Variants in CERS6 observed in about 807,000 individuals in gnomAD.
The protein encoded by CERS6 is LAG1 homolog, ceramide synthase 6.
Under a neutral mutation model 56.8 loss-of-function variants are expected in CERS6, and 26 were observed. The ratio of observed to expected loss-of-function variants is 0.46; its 90% CI spans 0.34 to 0.63. The LOEUF (loss-of-function observed/expected upper bound fraction) is 0.63, where lower values mean the gene tolerates loss of function less well. Ranked by LOEUF, CERS6 falls within the 30% of genes least tolerant of loss-of-function variation. CERS6 has a pLI of 0.01. For missense variants in CERS6, 415 were observed against 467.5 expected (o/e 0.89, Z 1.04); for synonymous variants, 164 against 173.3 (o/e 0.95, Z 0.42).
intron 4 of CERS6, among the ~76,000 whole-genome samples, chr2:168,685,042 G>C (rs1686312000): frequency 6.6e-6 from 1 of 152,004 alleles, no homozygotes; most frequent in South Asian, 2.1e-4. Flanking sequence ...CTAGGTTTTT[G>C]GTATTTTTAA....
intron 1 of CERS6, among the ~76,000 whole-genome samples, chr2:168,494,327 C>T (rs960086294): frequency 1.1e-3 from 168 of 152,288 alleles, no homozygotes; most frequent in African/African-American, 3.8e-3. Context: ...GAACTCTGGA[C>T]TCAGACTGCC....
Position 168,669,059 on chromosome 2 carries a change from C to CA in CERS6, c.466-21973dup, listed in dbSNP as rs1053945763. Among the ~76,000 whole-genome samples, 16 of 152,172 alleles carry CA rather than the reference C, an allele frequency of 1.1e-4. 2 individuals carry two copies. Among genetic ancestry groups the CA allele is most frequent in the African/African-American group, 3.8e-4 (16 of 41,568 alleles). On this transcript the variant is annotated intron_variant, in intron 4 of 9. Transcript: ENST00000305747. ...GATTAGGTCTGGAACACCTAACAGTCAATCAGTCATAGTGGCTTAAACAAG... is the reference window on the plus strand; with the variant it reads ...GATTAGGTCTGGAACACCTAACAGTCAAATCAGTCATAGTGGCTTAAACAAG...
At chr2:168,716,889 A>G (rs892423365) in intron 7 of CERS6, among the ~76,000 whole-genome samples, 8 of 152,114 alleles carry the variant, frequency 5.3e-5, no homozygotes, top group African/African-American at 1.9e-4. Flanking sequence ...GCCTCTGTGG[A>G]TAATGTCAAC....
chr2:168,587,780 T>C (rs1352494166), intron 3 of CERS6, among the ~76,000 whole-genome samples: 3 of 151,630 alleles, frequency 2.0e-5, no homozygotes. Flanking sequence ...TTTAAAGAAG[T>C]TGAGGGCTTT....
chr2:168,496,857 C>A (rs6433070), intron 1 of CERS6, among the ~76,000 whole-genome samples: 18,329 of 152,142 alleles, frequency 0.12, 1,284 homozygotes, highest in African/African-American at 0.2. Flanking sequence ...CAGCTTCATG[C>A]CTAACAAGCA....
intron 6 of CERS6, among the ~76,000 whole-genome samples, chr2:168,709,055 A>G (rs139657184): frequency 2.4e-3 from 368 of 152,232 alleles, no homozygotes; most frequent in Middle Eastern, 0.01. Flanking sequence ...GAGTTCCATT[A>G]TATAGACGTT....
chr2:168,593,189 C>T (rs549401033), intron 3 of CERS6, among the ~76,000 whole-genome samples: 34 of 152,190 alleles, frequency 2.2e-4, no homozygotes, highest in Non-Finnish European at 1.6e-4. Context: ...TCACCCGAAA[C>T]ATCGGGATAA....
At chr2:168,471,769 G>C (rs1208633607) in intron 1 of CERS6, among the ~76,000 whole-genome samples, 1 of 152,130 alleles carries the variant, frequency 6.6e-6, no homozygotes. Context: ...AATTGAATGC[G>C]CTTAGCTGCT....
intron 8 of CERS6, among the ~76,000 whole-genome samples, chr2:168,755,195 T>C (rs1448871232): frequency 6.6e-6 from 1 of 152,232 alleles, no homozygotes; most frequent in Non-Finnish European, 1.5e-5. Context: ...TGTTTTAGGA[T>C]CTTGGTCTCC....
intron 1 of CERS6, among the ~76,000 whole-genome samples, chr2:168,501,905 G>A (rs1050360176): frequency 5.3e-5 from 8 of 152,190 alleles, no homozygotes; most frequent in Non-Finnish European, 1.2e-4. Flanking sequence ...TGGCTTATTG[G>A]CAAGGGAAAG....
chr2:168,721,971 G>T (rs1472587207), intron 8 of CERS6, among the ~76,000 whole-genome samples: 1 of 152,136 alleles, frequency 6.6e-6, no homozygotes, highest in Non-Finnish European at 1.5e-5. Context: ...GACCAGCAAT[G>T]TATGAGAGTT....
chr2:168,728,066 A>T (rs1235117125), intron 8 of CERS6, among the ~76,000 whole-genome samples: 1 of 152,228 alleles, frequency 6.6e-6, no homozygotes, highest in Non-Finnish European at 1.5e-5. Context: ...CTGTAGGACA[A>T]AGCAGCCCAC....
At chr2:168,720,632 T>G (rs1009859888) in intron 8 of CERS6, among the ~76,000 whole-genome samples, 5 of 152,224 alleles carry the variant, frequency 3.3e-5, no homozygotes, top group African/African-American at 7.2e-5. Context: ...TAAATAGGAA[T>G]GATGATGATG....
intron 6 of CERS6, among the ~76,000 whole-genome samples, chr2:168,710,629 G>A (rs1174232027): frequency 6.6e-6 from 1 of 152,218 alleles, no homozygotes; most frequent in Non-Finnish European, 1.5e-5. Context: ...AGCTTGGAGA[G>A]AACAGATTTT....
At chr2:168,474,497 A>G (rs1285966297) in intron 1 of CERS6, among the ~76,000 whole-genome samples, 2 of 152,228 alleles carry the variant, frequency 1.3e-5, no homozygotes, top group Non-Finnish European at 2.9e-5. Flanking sequence ...CCCAACCATG[A>G]CTTATCCTGC....
chr2:168,646,145 G>T (rs1458557157), intron 4 of CERS6, among the ~76,000 whole-genome samples: 1 of 152,152 alleles, frequency 6.6e-6, no homozygotes, highest in African/African-American at 2.4e-5. Context: ...TAACTAATTT[G>T]CACTCCCATC....
intron 1 of CERS6, among the ~76,000 whole-genome samples, chr2:168,540,599 TCATA>T (rs1184987672): frequency 4.6e-5 from 7 of 152,336 alleles, no homozygotes; most frequent in East Asian, 1.9e-4. Context: ...ACTGTGATAC[TCATA>T]CAAAGACAAA....
chr2:168,698,526 C>T (rs78803464), intron 6 of CERS6, among the ~76,000 whole-genome samples: 3,441 of 152,156 alleles, frequency 0.023, 119 homozygotes, highest in African/African-American at 0.077. Flanking sequence ...CTCACAATCC[C>T]GATGACAGCA....
intron 1 of CERS6, among the ~76,000 whole-genome samples, chr2:168,472,577 TAAAG>T (rs1693997219): frequency 6.6e-6 from 1 of 152,124 alleles, no homozygotes; most frequent in Non-Finnish European, 1.5e-5. Context: ...TCGAATTTAA[TAAAG>T]AAATTACTGA....
Sources: allele counts gnomAD v4.1 joint callset (sites outside exome capture counted in the v4.1 genomes callset), GRCh38; gene constraint gnomAD v4.1.1; transcripts MANE v1.5; gene names NCBI Gene and HGNC (gene_info 2026-07-23, HGNC 2026-07-21).